Variants in RALYL observed in about 807,000 individuals in gnomAD.
RALYL encodes the protein RNA-binding Raly-like protein.
A neutral mutation model predicts 35.1 loss-of-function variants in RALYL; 29 were observed. The observed-to-expected ratio is 0.83, with a 90% CI of 0.61 to 1.13. The LOEUF (loss-of-function observed/expected upper bound fraction) is 1.13, where lower values mean the gene tolerates loss of function less well. Ranked by LOEUF, RALYL falls within the 50% of genes most tolerant of loss-of-function variation. The pLI is 0.00. For synonymous variants in RALYL, 120 were observed against 127.6 expected (o/e 0.94, Z 0.40); for missense variants, 359 against 360.4 (o/e 1.00, Z 0.03).
chr8:84,301,458 A>G (rs1441554270), intron 1 of RALYL, among the ~76,000 whole-genome samples: 1 of 152,038 alleles, frequency 6.6e-6, no homozygotes, highest in African/African-American at 2.4e-5. Flanking sequence ...ATTTTCATGG[A>G]CAATATCTTC....
chr8:84,343,884 GTTTGT>G (rs1008154358), intron 1 of RALYL, among the ~76,000 whole-genome samples: 9 of 87,982 alleles, frequency 1.0e-4, no homozygotes, highest in African/African-American at 2.9e-4. Context: ...TTGTTTGTTT[GTTTGT>G]TTTTTTTTTT....
intron 8 of RALYL, among the ~76,000 whole-genome samples, chr8:84,902,027 A>G (rs750827491): frequency 1.1e-4 from 16 of 152,324 alleles, no homozygotes; most frequent in African/African-American, 3.6e-4. Flanking sequence ...ATAAAATTCA[A>G]CATCATCACA....
chr8:84,210,236 A>G (rs1048541462), intron 1 of RALYL, among the ~76,000 whole-genome samples: 9 of 152,074 alleles, frequency 5.9e-5, no homozygotes, highest in Non-Finnish European at 1.3e-4. Flanking sequence ...GTGTATATAT[A>G]TATGTATATT....
chr8:84,589,186 C>T (rs1812676618), intron 2 of RALYL, among the ~76,000 whole-genome samples: 1 of 152,212 alleles, frequency 6.6e-6, no homozygotes, highest in Admixed American at 6.5e-5. Flanking sequence ...GTGTGAGCCA[C>T]CACGCCCGGA....
chr8:84,377,851 C>T (rs1433606828), intron 1 of RALYL, among the ~76,000 whole-genome samples: 1 of 151,702 alleles, frequency 6.6e-6, no homozygotes, highest in Non-Finnish European at 1.5e-5. Flanking sequence ...GCAAAGTTTT[C>T]AAGATACAAA....
At chr8:84,451,300 C>G (rs1248302180) in intron 1 of RALYL, among the ~76,000 whole-genome samples, 1 of 151,896 alleles carries the variant, frequency 6.6e-6, no homozygotes, top group African/African-American at 2.4e-5. Context: ...CGTATCCCCA[C>G]TACTCTAGTG....
intron 2 of RALYL, among the ~76,000 whole-genome samples, chr8:84,735,752 G>T (rs1272049559): frequency 6.6e-6 from 1 of 150,914 alleles, no homozygotes; most frequent in South Asian, 2.1e-4. Context: ...TTGCAAGGAC[G>T]ATTTTACTAT....
chr8:84,424,861 C>T (rs1310185000), intron 1 of RALYL, among the ~76,000 whole-genome samples: 5 of 151,754 alleles, frequency 3.3e-5, no homozygotes, highest in East Asian at 1.9e-4. Context: ...TTAGGCTGCT[C>T]GGGGGTCAGG....
chr8:84,829,625 G>GA (rs1830448793), intron 4 of RALYL: 1 of 152,102 alleles, frequency 6.6e-6, no homozygotes, highest in Non-Finnish European at 1.5e-5. Flanking sequence ...AGAAGGCCCA[G>GA]AAAATCAATC....
At chr8:84,445,487 T>C (rs918106445) in intron 1 of RALYL, among the ~76,000 whole-genome samples, 1 of 151,964 alleles carries the variant, frequency 6.6e-6, no homozygotes, top group Non-Finnish European at 1.5e-5. Context: ...TTTTAAACTT[T>C]AGTATTAAAA....
chr8:84,555,271 C>A (rs1320954954), intron 2 of RALYL, among the ~76,000 whole-genome samples: 1 of 150,278 alleles, frequency 6.7e-6, no homozygotes, highest in East Asian at 1.9e-4. Flanking sequence ...GAGTGAGACT[C>A]CATCTCAATA....
At chr8:84,238,165 A>G (rs1236348471) in intron 1 of RALYL, among the ~76,000 whole-genome samples, 1 of 152,128 alleles carries the variant, frequency 6.6e-6, no homozygotes, top group Non-Finnish European at 1.5e-5. Flanking sequence ...TAAAAATATA[A>G]TGGTCTATTA....
At chr8:84,837,927 G>A (rs1424773197) in intron 4 of RALYL, among the ~76,000 whole-genome samples, 1 of 152,092 alleles carries the variant, frequency 6.6e-6, no homozygotes, top group Admixed American at 6.5e-5. Context: ...CATTTCCTTG[G>A]TTGAGTTTCA....
chr8:84,682,967 C>T (rs1331781652), intron 2 of RALYL, among the ~76,000 whole-genome samples: 6 of 152,078 alleles, frequency 3.9e-5, no homozygotes, highest in African/African-American at 4.8e-5. Flanking sequence ...CTGCTTTCTC[C>T]TGTGGGCATT....
chr8:84,841,264 T>C (rs1833255011), intron 4 of RALYL, among the ~76,000 whole-genome samples: 1 of 151,724 alleles, frequency 6.6e-6, no homozygotes. Flanking sequence ...AATAAAAGGG[T>C]GGAGGAAGAT....
intron 2 of RALYL, among the ~76,000 whole-genome samples, chr8:84,628,710 G>A (rs1823281168): frequency 6.6e-6 from 1 of 152,048 alleles, no homozygotes. Context: ...GAAACACCAA[G>A]TAAGAAGGGT....
At chr8:84,665,706 ATTAG>A (rs1831873150) in intron 2 of RALYL, 2 of 151,694 alleles carry the variant, frequency 1.3e-5, no homozygotes, top group Non-Finnish European at 2.9e-5. Flanking sequence ...TTTCTTCTTT[ATTAG>A]CTAGCTAGAA....
chr8:84,743,003 C>T (rs1589300433), intron 2 of RALYL, among the ~76,000 whole-genome samples: 2 of 151,970 alleles, frequency 1.3e-5, no homozygotes, highest in East Asian at 3.9e-4. Context: ...CCCTTTTCTG[C>T]TGCCTGACAG....
chr8:84,469,369 C>A (rs1218289526), intron 1 of RALYL, among the ~76,000 whole-genome samples: 7 of 151,986 alleles, frequency 4.6e-5, no homozygotes, highest in Non-Finnish European at 7.4e-5. Context: ...ACAGAGAGGA[C>A]CCTCAGCTGC....
Sources: allele counts gnomAD v4.1 joint callset (sites outside exome capture counted in the v4.1 genomes callset), GRCh38; gene constraint gnomAD v4.1.1; transcripts MANE v1.5; gene names NCBI Gene and HGNC (gene_info 2026-07-23, HGNC 2026-07-21).